Variants in CPQ observed in about 807,000 individuals in gnomAD.
CPQ encodes the protein Ser-Met dipeptidase.
CPQ carries 37 observed loss-of-function variants against 45.7 expected under a neutral mutation model. The observed-to-expected ratio is 0.81, with a 90% confidence interval of 0.62 to 1.07. The LOEUF is 1.07. Ranked by LOEUF, CPQ falls within the 50% of genes least tolerant of loss-of-function variation. The pLI is 0.00. For missense variants in CPQ, 537 were observed against 572.9 expected (o/e 0.94, Z 0.64); for synonymous variants, 186 against 205.8 (o/e 0.90, Z 0.82).
chr8:96,862,455 G>A (rs1217141637), intron 3 of CPQ, among the ~76,000 whole-genome samples: 1 of 151,806 alleles, frequency 6.6e-6, no homozygotes, highest in Non-Finnish European at 1.5e-5. Flanking sequence ...CAATGTGTTA[G>A]ATAAAATAAA....
chr8:97,132,973 G>A (rs1364346397), intron 7 of CPQ: 3 of 152,214 alleles, frequency 2.0e-5, no homozygotes, highest in African/African-American at 7.2e-5. Context: ...GTAAGGAGGT[G>A]TGGATGTTTC....
intron 6 of CPQ, among the ~76,000 whole-genome samples, chr8:97,059,651 C>G (rs1044285198): frequency 2.6e-5 from 4 of 152,146 alleles, no homozygotes; most frequent in Non-Finnish European, 5.9e-5. Flanking sequence ...AGCTGAAGCT[C>G]TGTAAAGAAA....
chr8:96,852,785 C>G (rs1175265944), intron 3 of CPQ, among the ~76,000 whole-genome samples: 1 of 152,152 alleles, frequency 6.6e-6, no homozygotes, highest in Non-Finnish European at 1.5e-5. Context: ...GCTCCCAGCT[C>G]ACGTTCCAGG....
intron 7 of CPQ, among the ~76,000 whole-genome samples, chr8:97,126,356 T>C (rs2130616218): frequency 6.6e-6 from 1 of 152,314 alleles, no homozygotes; most frequent in Middle Eastern, 3.4e-3. Flanking sequence ...TGCAAAGTCT[T>C]GATGGTCTCT....
intron 1 of CPQ, among the ~76,000 whole-genome samples, chr8:96,685,138 A>AC (rs57415165): frequency 6.7e-5 from 10 of 149,666 alleles, no homozygotes; most frequent in Non-Finnish European, 1.0e-4. Flanking sequence ...ACAAAAAACA[A>AC]AAAACAGAGT....
chr8:96,786,154 CTG>C (rs1229194067), intron 2 of CPQ, among the ~76,000 whole-genome samples: 1 of 152,148 alleles, frequency 6.6e-6, no homozygotes, highest in East Asian at 1.9e-4. Context: ...AAAAGAAACT[CTG>C]TGACTATTAG....
chr8:96,720,777 G>T (rs76898837), intron 1 of CPQ, among the ~76,000 whole-genome samples: 2,047 of 152,116 alleles, frequency 0.013, 22 homozygotes, highest in Middle Eastern at 0.02. Context: ...TCTTTGAAGA[G>T]GTACAAAGCA....
chr8:97,022,065 C>G (rs1809697750), intron 5 of CPQ, among the ~76,000 whole-genome samples: 1 of 152,032 alleles, frequency 6.6e-6, no homozygotes, highest in South Asian at 2.1e-4. Context: ...AATAGAGAAC[C>G]CAGAAATAAA....
intron 1 of CPQ, among the ~76,000 whole-genome samples, chr8:96,770,513 TATC>T (rs1810526530): frequency 6.6e-6 from 1 of 152,016 alleles, no homozygotes; most frequent in South Asian, 2.1e-4. Flanking sequence ...GAAGCTTCCT[TATC>T]ATGGCTTTTA....
At chr8:96,779,077 A>AAAC (rs1554566280) in intron 1 of CPQ, among the ~76,000 whole-genome samples, 2 of 151,112 alleles carry the variant, frequency 1.3e-5, no homozygotes, top group African/African-American at 4.9e-5. Flanking sequence ...AAAAAAAAAA[A>AAAC]AAAGGCATGT....
chr8:96,745,227 G>A (rs572634725), intron 1 of CPQ, among the ~76,000 whole-genome samples: 6 of 152,202 alleles, frequency 3.9e-5, no homozygotes, highest in South Asian at 2.1e-4. Context: ...AGAATCACTT[G>A]AACCCAGGAG....
At chr8:97,064,841 T>C (rs1810611474) in intron 6 of CPQ, among the ~76,000 whole-genome samples, 1 of 152,130 alleles carries the variant, frequency 6.6e-6, no homozygotes, top group Admixed American at 6.6e-5. Context: ...CTAGTGATGG[T>C]AGTGTGGAGT....
At chr8:97,072,295 A>G (rs1373217611) in intron 7 of CPQ, among the ~76,000 whole-genome samples, 1 of 152,098 alleles carries the variant, frequency 6.6e-6, no homozygotes, top group Non-Finnish European at 1.5e-5. Flanking sequence ...AGTAGCTGCA[A>G]TATCTGATCA....
chr8:96,655,971 C>T (rs1815633382), intron 1 of CPQ, among the ~76,000 whole-genome samples: 1 of 152,182 alleles, frequency 6.6e-6, no homozygotes. Flanking sequence ...TCTCCCACCT[C>T]AGCCTCTTGA....
chr8:96,875,815 G>A (rs1298448719), intron 3 of CPQ, among the ~76,000 whole-genome samples: 1 of 151,466 alleles, frequency 6.6e-6, no homozygotes, highest in Non-Finnish European at 1.5e-5. Flanking sequence ...TAATCAGCTT[G>A]TCAATTTCTT....
intron 7 of CPQ, among the ~76,000 whole-genome samples, chr8:97,121,098 A>C (rs1191801090): frequency 1.3e-5 from 2 of 148,188 alleles, no homozygotes; most frequent in Non-Finnish European, 3.0e-5. Context: ...CACTGACTTT[A>C]TAATTTTGCT....
chr8:96,961,392 G>T (rs1813459281), intron 4 of CPQ, among the ~76,000 whole-genome samples: 1 of 151,830 alleles, frequency 6.6e-6, no homozygotes, highest in African/African-American at 2.4e-5. Flanking sequence ...TGCTTTTTGG[G>T]TTGCTTGGCT....
intron 7 of CPQ, among the ~76,000 whole-genome samples, chr8:97,130,518 T>C (rs549668541): frequency 6.6e-6 from 1 of 151,646 alleles, no homozygotes; most frequent in African/African-American, 2.4e-5. Flanking sequence ...ATATTTTGTG[T>C]GGCTACTGAG....
intron 7 of CPQ, among the ~76,000 whole-genome samples, chr8:97,131,048 A>G (rs1811946614): frequency 6.6e-6 from 1 of 152,172 alleles, no homozygotes; most frequent in Admixed American, 6.5e-5. Flanking sequence ...GCTAACATTC[A>G]CCCAATTTTT....
Sources: gnomAD v4.1 joint callset for allele counts (sites outside exome capture counted in the v4.1 genomes callset) on GRCh38, gnomAD v4.1.1 for gene constraint, MANE v1.5 for transcripts, NCBI Gene and HGNC (gene_info 2026-07-23, HGNC 2026-07-21) for gene names.